EPHA3: variants seen among roughly 807,000 people sequenced by gnomAD.
The protein encoded by EPHA3 is EPH receptor A3.
Under a neutral mutation model 107.1 loss-of-function variants are expected in EPHA3, and 42 were observed. That is an observed-to-expected ratio of 0.39 (90% confidence interval 0.31 to 0.51). The LOEUF (loss-of-function observed/expected upper bound fraction) is 0.51, where lower values mean the gene tolerates loss of function less well. Among genes scored for constraint, EPHA3 ranks in the 20% least tolerant of loss-of-function variants. EPHA3 has a pLI of 0.78. For synonymous variants in EPHA3, 461 were observed against 424.8 expected (o/e 1.09, Z -1.05); for missense variants, 1,183 against 1,211.2 (o/e 0.98, Z 0.35).
chr3:89,169,641 A>G (rs1303321578), intron 2 of EPHA3, among the ~76,000 whole-genome samples: 6 of 152,198 alleles, frequency 3.9e-5, no homozygotes, highest in African/African-American at 1.4e-4. Context: ...GATATCATAT[A>G]TTTCAAAATT....
At chr3:89,170,613 A>G (rs923949532) in intron 2 of EPHA3, among the ~76,000 whole-genome samples, 1 of 152,164 alleles carries the variant, frequency 6.6e-6, no homozygotes, top group African/African-American at 2.4e-5. Context: ...TACTCTTGCT[A>G]TTGAAGTGAA....
chr3:89,209,717 C>A lies in EPHA3; in HGVS notation c.154-143C>A, dbSNP rs1265420286. ...ACTTTATGTCCATTAACTCAGAGAA[C>A]CTTGCAAATAAAAACTACAAACAAG... On this transcript the variant is annotated intron_variant, in intron 2 of 16. Transcript: ENST00000336596. 5 of 654,654 alleles carry A rather than the reference C, an allele frequency of 7.6e-6. No individual in the cohort carries two copies. In the East Asian group the frequency reaches 8.7e-5, roughly 11 times the overall value. The allele number at this position is 654,654 out of a possible 1,614,324, so 40.6% of individuals were successfully genotyped here.
intron 13 of EPHA3, among the ~76,000 whole-genome samples, chr3:89,434,836 G>T (rs1328475985): frequency 6.6e-6 from 1 of 152,046 alleles, no homozygotes; most frequent in Non-Finnish European, 1.5e-5. Context: ...GAACAAATAG[G>T]CTCATTCACC....
intron 2 of EPHA3, among the ~76,000 whole-genome samples, chr3:89,165,271 T>C (rs1705037386): frequency 6.6e-6 from 1 of 152,184 alleles, no homozygotes. Context: ...AAATTGCCAA[T>C]GCTTAACTAA....
intron 15 of EPHA3, among the ~76,000 whole-genome samples, chr3:89,460,253 A>G (rs958445331): frequency 2.6e-5 from 4 of 152,166 alleles, no homozygotes; most frequent in African/African-American, 9.6e-5. Flanking sequence ...GAATTCTTCT[A>G]TACTGTTGTA....
chr3:89,433,142 C>T (rs1265884466), intron 13 of EPHA3, among the ~76,000 whole-genome samples: 2 of 151,934 alleles, frequency 1.3e-5, no homozygotes, highest in African/African-American at 4.8e-5. Context: ...GAATTTTTGG[C>T]GTATATATTG....
Position 89,107,824 on chromosome 3 carries a change from C to G in EPHA3, c.76C>G (p.Pro26Ala), listed in dbSNP as rs1341481107. The part of the protein sequence containing the change: ...LDSFGELIPQ[P>A]SNEVNLLDSK... ...CAGCTTCGGGGAACTGATTCCGCAG[C>G]CTTCCAATGAAGGTAAGCCAGGTAC... The change falls in exon 1 of 17, where the codon CCT becomes GCT. Residue 26 changes from proline (P) to alanine (A), a missense_variant. Transcript: ENST00000336596. The G allele has an allele frequency of 6.2e-7, 1 of 1,614,116 alleles. No homozygotes were observed.
intron 15 of EPHA3, among the ~76,000 whole-genome samples, chr3:89,454,244 C>T (rs1263905840): frequency 2.0e-5 from 3 of 152,114 alleles, no homozygotes; most frequent in Non-Finnish European, 4.4e-5. Flanking sequence ...ACTTCTCTAA[C>T]ACTCTTCACA....
At chr3:89,273,973 A>G (rs909887921) in intron 3 of EPHA3, among the ~76,000 whole-genome samples, 1 of 151,992 alleles carries the variant, frequency 6.6e-6, no homozygotes, top group African/African-American at 2.4e-5. Context: ...GGCACTAAAT[A>G]GACAGTTATT....
chr3:89,205,901 C>A (rs1419943640), intron 2 of EPHA3, among the ~76,000 whole-genome samples: 1 of 151,226 alleles, frequency 6.6e-6, no homozygotes, highest in African/African-American at 2.4e-5. Context: ...TACATTAGTT[C>A]TTACAGTAGA....
At chr3:89,386,660 C>T (rs73137360) in intron 5 of EPHA3, among the ~76,000 whole-genome samples, 8,301 of 152,234 alleles carry the variant, frequency 0.055, 334 homozygotes, top group Non-Finnish European at 0.082. Flanking sequence ...AAGAAGGCCA[C>T]TATCCTCTAG....
At chr3:89,229,837 G>A (rs558025003) in intron 3 of EPHA3, among the ~76,000 whole-genome samples, 13 of 151,990 alleles carry the variant, frequency 8.6e-5, no homozygotes, top group East Asian at 5.8e-4. Context: ...GAACTTGATC[G>A]TTTATTTTTA....
At position 89,290,965 on chromosome 3, in the gene EPHA3, G is replaced by A. The variant is rs568278956; in HGVS notation, c.815-49951G>A. ...ACAATGAATACCAAGGGTATATTGA[G>A]TTGAGTGACAGATAGCTCGGTTTCT... On this transcript the variant is annotated intron_variant, in intron 3 of 16. Transcript: ENST00000336596. 2.6e-5 allele frequency among the ~76,000 whole-genome samples: 4 copies of A among 152,264 alleles called. No homozygotes were observed. The South Asian group carries it at 8.3e-4, about 32-fold the overall frequency.
intron 6 of EPHA3, among the ~76,000 whole-genome samples, chr3:89,398,583 T>A (rs1003416178): frequency 1.1e-4 from 16 of 151,996 alleles, no homozygotes; most frequent in African/African-American, 3.9e-4. Context: ...ATTTTAAGGT[T>A]GATAAAAAAA....
intron 3 of EPHA3, among the ~76,000 whole-genome samples, chr3:89,301,016 C>G (rs765180076): frequency 4.6e-5 from 7 of 152,098 alleles, no homozygotes; most frequent in Non-Finnish European, 7.4e-5. Flanking sequence ...AAATTAAATG[C>G]AATAGCAACA....
chr3:89,334,502 A>C (rs1707354148), intron 3 of EPHA3, among the ~76,000 whole-genome samples: 1 of 152,230 alleles, frequency 6.6e-6, no homozygotes, highest in African/African-American at 2.4e-5. Flanking sequence ...GTCTAGGCTA[A>C]GAAGAGTCTT....
At chr3:89,107,971 T>C (rs541419699) in intron 1 of EPHA3, 135 bp downstream of exon 1, 1 of 727,850 alleles carries the variant, frequency 1.4e-6, no homozygotes, top group Non-Finnish European at 2.3e-6. Flanking sequence ...GAAGGAAAGA[T>C]GTGCCTTTTT....
At chr3:89,474,770 A>T (rs1442420977) in intron 16 of EPHA3, among the ~76,000 whole-genome samples, 1 of 152,254 alleles carries the variant, frequency 6.6e-6, no homozygotes, top group Non-Finnish European at 1.5e-5. Context: ...AGCATTTGTC[A>T]TACTTTCCAA....
intron 13 of EPHA3, among the ~76,000 whole-genome samples, chr3:89,440,080 C>A (rs1709754518): frequency 6.6e-6 from 1 of 152,128 alleles, no homozygotes; most frequent in Admixed American, 6.5e-5. Context: ...TGAAACTATT[C>A]TCTCAGTGGC....
Sources: gnomAD v4.1 joint callset for allele counts (sites outside exome capture counted in the v4.1 genomes callset) on GRCh38, gnomAD v4.1.1 for gene constraint, MANE v1.5 for transcripts, NCBI Gene and HGNC (gene_info 2026-07-23, HGNC 2026-07-21) for gene names.